HPSE2: variants seen among roughly 807,000 people sequenced by gnomAD.
The protein encoded by HPSE2 is heparanase 2 (inactive), also known as inactive heparanase-2.
Under a neutral mutation model 60.5 loss-of-function variants are expected in HPSE2, and 38 were observed. The observed-to-expected ratio is 0.63, with a 90% CI of 0.48 to 0.82. HPSE2 has a LOEUF of 0.82. Ranked by LOEUF, HPSE2 falls within the 40% of genes least tolerant of loss-of-function variation. The probability of loss-of-function intolerance (pLI) is 0.00; values close to 1 mark genes in which losing one functional copy is unlikely to be tolerated. For synonymous variants in HPSE2, 295 were observed against 293.2 expected, an observed-to-expected ratio of 1.01 and a Z score of -0.06; for missense variants, 713 against 740.4, an observed-to-expected ratio of 0.96 and a Z score of 0.43.
At chr10:98,495,272 A>C (rs1941794859) in intron 9 of HPSE2, among the ~76,000 whole-genome samples, 1 of 152,014 alleles carries the variant, frequency 6.6e-6, no homozygotes, top group Non-Finnish European at 1.5e-5. Context: ...ACTAAGAATT[A>C]CTTATATTTG....
intron 3 of HPSE2, among the ~76,000 whole-genome samples, chr10:98,819,329 GA>G (rs981920490): frequency 5.3e-5 from 8 of 150,060 alleles, no homozygotes; most frequent in Admixed American, 2.6e-4. Context: ...TTGAAGTACT[GA>G]AAAAAAATGC....
At chr10:98,774,849 TC>T (rs1226240493) in intron 3 of HPSE2, among the ~76,000 whole-genome samples, 6 of 152,194 alleles carry the variant, frequency 3.9e-5, no homozygotes, top group Non-Finnish European at 8.8e-5. Context: ...ATCGTGGGAC[TC>T]TTTAGAGTTC....
At chr10:99,031,071 T>C (rs1019348608) in intron 3 of HPSE2, among the ~76,000 whole-genome samples, 3 of 152,184 alleles carry the variant, frequency 2.0e-5, no homozygotes, top group African/African-American at 7.2e-5. Context: ...AACCCTAGTA[T>C]GTGATAGCAC....
intron 3 of HPSE2, among the ~76,000 whole-genome samples, chr10:98,852,948 C>T (rs1236515943): frequency 6.6e-6 from 1 of 152,218 alleles, no homozygotes; most frequent in African/African-American, 2.4e-5. Context: ...ATAACCTACA[C>T]TGGATCATTT....
chr10:99,215,475 C>T (rs76993206), intron 2 of HPSE2, among the ~76,000 whole-genome samples: 3 of 151,902 alleles, frequency 2.0e-5, no homozygotes, highest in East Asian at 1.9e-4. Flanking sequence ...GGTAGGGGGG[C>T]GAAAGGAGGG....
chr10:99,059,875 A>G (rs1958196015), intron 3 of HPSE2, among the ~76,000 whole-genome samples: 1 of 152,154 alleles, frequency 6.6e-6, no homozygotes, highest in Non-Finnish European at 1.5e-5. Context: ...TAGAAGCATA[A>G]AAGACATACA....
chr10:98,480,969 G>C (rs544618055), intron 11 of HPSE2, among the ~76,000 whole-genome samples: 40 of 152,294 alleles, frequency 2.6e-4, no homozygotes, highest in African/African-American at 9.6e-4. Context: ...GACGCTCACA[G>C]AGATGACATA....
At chr10:99,152,511 C>T (rs1359956965) in intron 2 of HPSE2, among the ~76,000 whole-genome samples, 1 of 151,524 alleles carries the variant, frequency 6.6e-6, no homozygotes, top group Non-Finnish European at 1.5e-5. Context: ...TTTAAAAACT[C>T]GTAAGATTAT....
At chr10:99,190,094 T>C (rs1472679475) in intron 2 of HPSE2, among the ~76,000 whole-genome samples, 1 of 152,258 alleles carries the variant, frequency 6.6e-6, no homozygotes, top group Non-Finnish European at 1.5e-5. Context: ...GGCAACCATG[T>C]AGTGACTTAT....
At chr10:99,030,365 T>C (rs1009697782) in intron 3 of HPSE2, among the ~76,000 whole-genome samples, 6 of 152,142 alleles carry the variant, frequency 3.9e-5, no homozygotes, top group African/African-American at 1.2e-4. Flanking sequence ...AAAGAAGATA[T>C]ACAAATGGCA....
intron 3 of HPSE2, among the ~76,000 whole-genome samples, chr10:98,923,099 C>T (rs112227001): frequency 5.3e-5 from 8 of 152,260 alleles, no homozygotes; most frequent in African/African-American, 1.2e-4. Context: ...ATTGAAATCC[C>T]TCAGGTTTTA....
At chr10:98,602,231 C>T (rs1945448456) in intron 9 of HPSE2, among the ~76,000 whole-genome samples, 1 of 152,084 alleles carries the variant, frequency 6.6e-6, no homozygotes. Context: ...GGTCACTTTC[C>T]CAAGGAGGGT....
At chr10:98,975,590 T>C (rs1956065180) in intron 3 of HPSE2, among the ~76,000 whole-genome samples, 1 of 152,178 alleles carries the variant, frequency 6.6e-6, no homozygotes, top group African/African-American at 2.4e-5. Flanking sequence ...CTCTGTTGGA[T>C]GCCTACAAGG....
intron 3 of HPSE2, among the ~76,000 whole-genome samples, chr10:98,806,191 T>C (rs895810630): frequency 6.6e-6 from 1 of 152,194 alleles, no homozygotes; most frequent in Admixed American, 6.5e-5. Context: ...AGAACTCTAT[T>C]AGCACCTGTT....
chr10:98,973,585 T>C (rs925969784), intron 3 of HPSE2, among the ~76,000 whole-genome samples: 2 of 152,194 alleles, frequency 1.3e-5, no homozygotes, highest in Non-Finnish European at 2.9e-5. Flanking sequence ...CCTACAAAAC[T>C]TTAAAAAGCA....
intron 3 of HPSE2, among the ~76,000 whole-genome samples, chr10:98,941,735 A>T (rs981781267): frequency 2.2e-5 from 3 of 136,476 alleles, no homozygotes; most frequent in African/African-American, 9.4e-5. Flanking sequence ...ACTACTTTAA[A>T]GTTCATATGG....
intron 9 of HPSE2, among the ~76,000 whole-genome samples, chr10:98,604,135 C>T (rs1410235592): frequency 6.6e-6 from 1 of 152,112 alleles, no homozygotes; most frequent in East Asian, 1.9e-4. Flanking sequence ...GGAAAAAACA[C>T]AGTTTGAAGA....
At chr10:98,886,156 C>T (rs1288186886) in intron 3 of HPSE2, among the ~76,000 whole-genome samples, 2 of 151,888 alleles carry the variant, frequency 1.3e-5, no homozygotes, top group African/African-American at 2.4e-5. Flanking sequence ...GTTCACCTCC[C>T]CTAAGACTAT....
At chr10:98,583,816 C>T (rs1944867718) in intron 9 of HPSE2, among the ~76,000 whole-genome samples, 1 of 152,128 alleles carries the variant, frequency 6.6e-6, no homozygotes, top group Non-Finnish European at 1.5e-5. Context: ...AAGGTTCATC[C>T]ACGCTGTAGC....
Sources: gnomAD v4.1 joint callset for allele counts (sites outside exome capture counted in the v4.1 genomes callset) on GRCh38, gnomAD v4.1.1 for gene constraint, MANE v1.5 for transcripts, NCBI Gene and HGNC (gene_info 2026-07-23, HGNC 2026-07-21) for gene names.